MNAT1: variants seen among roughly 807,000 people sequenced by gnomAD.
The protein encoded by MNAT1 is CDK-activating kinase assembly factor MAT1.
In MNAT1, 43 loss-of-function variants were observed where a neutral mutation model predicts 42.0. That is an observed-to-expected ratio of 1.02 (90% CI 0.80 to 1.32). MNAT1 has a LOEUF of 1.32. MNAT1 is among the 40% of genes most tolerant of loss of function. MNAT1 has a pLI of 0.00. For synonymous variants in MNAT1, 118 were observed against 120.0 expected (o/e 0.98, Z 0.11); for missense variants, 306 against 350.4 (o/e 0.87, Z 1.01).
intron 7 of MNAT1, among the ~76,000 whole-genome samples, chr14:60,898,136 TGTGTGCGCGC>T (rs1357733366): frequency 0.012 from 327 of 26,470 alleles, no homozygotes; most frequent in African/African-American, 0.029. Context: ...TGTGTGTGTG[TGTGTGCGCGC>T]GCCACATTTT....
At chr14:60,904,317 A>G (rs1355564941) in intron 7 of MNAT1, among the ~76,000 whole-genome samples, 1 of 152,204 alleles carries the variant, frequency 6.6e-6, no homozygotes, top group East Asian at 1.9e-4. Flanking sequence ...TTATGAAAAT[A>G]TTACTAAATT....
At chr14:60,926,852 G>T (rs934693307) in intron 7 of MNAT1, among the ~76,000 whole-genome samples, 10 of 152,062 alleles carry the variant, frequency 6.6e-5, no homozygotes, top group Admixed American at 3.9e-4. Flanking sequence ...TAACTGCATG[G>T]TTGGTTCCCC....
chr14:60,916,710 G>A (rs1566555934), intron 7 of MNAT1, among the ~76,000 whole-genome samples: 1 of 152,194 alleles, frequency 6.6e-6, no homozygotes, highest in African/African-American at 2.4e-5. Context: ...CTAGCACTTT[G>A]GGAGGCGGAG....
In MNAT1 at chr14:60,796,267, C is replaced by T. The variant is rs759023102; in HGVS notation, c.140C>T (p.Pro47Leu). The change falls in exon 2 of 8, where the codon CCT becomes CTT. Residue 47 changes from proline (P) to leucine (L), a missense_variant. Physicochemically the swap from Pro to Leu is moderately conservative, Grantham distance 98. Transcript: ENST00000261245. ...LLFVRGAGNCPECGTPLRKSN... is the reference protein window; with the variant it reads ...LLFVRGAGNCLECGTPLRKSN... ...TTTGTGAGAGGAGCTGGAAACTGCC[C>T]TGAGTGTGGTACTCCACTCAGAAAG... The T allele has an allele frequency of 3.1e-6, 5 of 1,613,468 alleles. No individual in the cohort carries two copies. Among genetic ancestry groups the T allele is most frequent in the African/African-American group, 1.3e-5 (1 of 74,876 alleles).
intron 2 of MNAT1, among the ~76,000 whole-genome samples, chr14:60,797,847 T>A (rs2032068344): frequency 6.6e-6 from 1 of 152,086 alleles, no homozygotes; most frequent in Non-Finnish European, 1.5e-5. Context: ...GCAGAATTGC[T>A]TGAACCAGAG....
chr14:60,877,167 G>A (rs1250723223), intron 6 of MNAT1, among the ~76,000 whole-genome samples: 1 of 151,980 alleles, frequency 6.6e-6, no homozygotes, highest in Non-Finnish European at 1.5e-5. Context: ...ATCTCACTGT[G>A]CTTTGACTTG....
intron 1 of MNAT1, among the ~76,000 whole-genome samples, chr14:60,743,988 A>C: frequency 6.6e-6 from 1 of 152,104 alleles, no homozygotes; most frequent in Admixed American, 6.5e-5. Context: ...CTCATCAAGA[A>C]TATATTTTTC....
chr14:60,928,129 G>T (rs1312582324), intron 7 of MNAT1, among the ~76,000 whole-genome samples: 2 of 152,120 alleles, frequency 1.3e-5, no homozygotes, highest in Non-Finnish European at 2.9e-5. Flanking sequence ...TCATAAGTAT[G>T]TGGTTTTTGT....
chr14:60,743,027 G>A (rs1896517165), intron 1 of MNAT1, among the ~76,000 whole-genome samples: 1 of 152,128 alleles, frequency 6.6e-6, no homozygotes, highest in Non-Finnish European at 1.5e-5. Context: ...TAGAATTATT[G>A]GATCATATGG....
At chr14:60,918,239 C>T (rs1214065732) in intron 7 of MNAT1, among the ~76,000 whole-genome samples, 2 of 101,274 alleles carry the variant, frequency 2.0e-5, no homozygotes, top group Non-Finnish European at 3.6e-5. Context: ...GATGGAGTCT[C>T]GGTCTGTCGC....
At chr14:60,845,599 A>G (rs150950858) in intron 6 of MNAT1, among the ~76,000 whole-genome samples, 14 of 152,182 alleles carry the variant, frequency 9.2e-5, no homozygotes, top group Non-Finnish European at 1.9e-4. Flanking sequence ...TTTTTTAGTA[A>G]TATTAAAGAG....
intron 6 of MNAT1, among the ~76,000 whole-genome samples, chr14:60,876,656 A>G (rs1292341383): frequency 2.0e-5 from 3 of 151,984 alleles, no homozygotes; most frequent in African/African-American, 4.8e-5. Flanking sequence ...GGAACCTTCT[A>G]TTAGTGGAGT....
intron 7 of MNAT1, among the ~76,000 whole-genome samples, chr14:60,934,567 G>A (rs561427795): frequency 2.0e-4 from 31 of 152,230 alleles, no homozygotes; most frequent in African/African-American, 6.7e-4. Context: ...GAGTTTTCCT[G>A]CACAAGCTGT....
chr14:60,827,419 G>C (rs2033085043), intron 6 of MNAT1, among the ~76,000 whole-genome samples: 2 of 152,108 alleles, frequency 1.3e-5, no homozygotes, highest in Non-Finnish European at 2.9e-5. Flanking sequence ...TTCAAGCATT[G>C]CATATTCCTC....
At position 60,968,448 on chromosome 14, in the gene MNAT1, C is replaced by A; in HGVS notation, c.*99C>A. On this transcript the variant is annotated 3_prime_UTR_variant, in exon 8 of 8. Coordinates refer to ENST00000261245, the MANE Select transcript of MNAT1 (RefSeq NM_002431.4). ...CTATGTGCAGCTGCACAACACAGTC[C>A]TTCCACTAGCAGCTGTGTTAAAGTA... 1.3e-6 allele frequency: 2 copies of A among 1,533,880 alleles called. No homozygotes were observed. The highest frequency in any genetic ancestry group is 2.4e-5 in the East Asian group (1 of 41,736).
intron 4 of MNAT1, among the ~76,000 whole-genome samples, chr14:60,811,286 T>C (rs2032534700): frequency 7.2e-6 from 1 of 138,544 alleles, no homozygotes; most frequent in Non-Finnish European, 1.5e-5. Flanking sequence ...AGGGCTCTTA[T>C]TTCTATTCTT....
At chr14:60,843,695 G>A (rs2033608963) in intron 6 of MNAT1, among the ~76,000 whole-genome samples, 1 of 152,106 alleles carries the variant, frequency 6.6e-6, no homozygotes, top group African/African-American at 2.4e-5. Flanking sequence ...TTGAACATAA[G>A]TCCTTTGTCA....
At chr14:60,877,255 C>A (rs996532102) in intron 6 of MNAT1, among the ~76,000 whole-genome samples, 1 of 151,954 alleles carries the variant, frequency 6.6e-6, no homozygotes, top group African/African-American at 2.4e-5. Flanking sequence ...GTGGTGAAAT[C>A]TCTGTTCAAA....
intron 1 of MNAT1, among the ~76,000 whole-genome samples, chr14:60,747,144 C>T (rs1378007712): frequency 6.6e-6 from 1 of 150,914 alleles, no homozygotes; most frequent in Non-Finnish European, 1.5e-5. Flanking sequence ...GCCACCACGC[C>T]CGGCTAATTT....
Sources: gnomAD v4.1 joint callset for allele counts (sites outside exome capture counted in the v4.1 genomes callset) on GRCh38, gnomAD v4.1.1 for gene constraint, MANE v1.5 for transcripts, NCBI Gene and HGNC (gene_info 2026-07-23, HGNC 2026-07-21) for gene names.